TMPRSS15: variants seen among roughly 807,000 people sequenced by gnomAD.
TMPRSS15 encodes enteropeptidase.
Under a neutral mutation model 125.3 loss-of-function variants are expected in TMPRSS15, and 128 were observed. That is an observed-to-expected ratio of 1.02 (90% confidence interval 0.89 to 1.18). TMPRSS15 has a LOEUF of 1.18. Among genes scored for constraint, TMPRSS15 ranks in the 50% most tolerant of loss-of-function variants. The pLI is 0.00. For missense variants in TMPRSS15, 1,283 were observed against 1,212.7 expected (o/e 1.06, Z -0.86); for synonymous variants, 446 against 423.2 (o/e 1.05, Z -0.66).
chr21:18,315,117 A>G (rs759018686), intron 17 of TMPRSS15, 29 bp downstream of exon 17: 3 of 1,558,890 alleles, frequency 1.9e-6, no homozygotes, highest in Admixed American at 3.3e-5. Flanking sequence ...CTAAAGTCAT[A>G]AAAGTATTTT....
intron 21 of TMPRSS15, among the ~76,000 whole-genome samples, chr21:18,285,649 G>A (rs1376193533): frequency 1.3e-5 from 2 of 152,216 alleles, no homozygotes; most frequent in Non-Finnish European, 2.9e-5. Context: ...CAGAGAGTAC[G>A]AAAGTTTTCA....
chr21:18,398,505 C>G (rs187945484), intron 1 of TMPRSS15, among the ~76,000 whole-genome samples, 176 bp from the exon 2 acceptor site: 1 of 152,252 alleles, frequency 6.6e-6, no homozygotes, highest in African/African-American at 2.4e-5. Flanking sequence ...CACCAGCTGT[C>G]TGATTGTTTT....
chr21:18,354,636 G>A (rs1569028755), intron 8 of TMPRSS15, among the ~76,000 whole-genome samples: 1 of 151,574 alleles, frequency 6.6e-6, no homozygotes, highest in Non-Finnish European at 1.5e-5. Flanking sequence ...GTAAAGCTCA[G>A]ATATACCCAC....
At chr21:18,339,392 A>G (rs746807583) in intron 13 of TMPRSS15, among the ~76,000 whole-genome samples, 1 of 152,140 alleles carries the variant, frequency 6.6e-6, no homozygotes, top group Non-Finnish European at 1.5e-5. Context: ...TAACCTTTAG[A>G]TCCTTTTCAT....
chr21:18,387,053 T>C (rs2075950285), intron 3 of TMPRSS15, among the ~76,000 whole-genome samples: 2 of 152,172 alleles, frequency 1.3e-5, no homozygotes, highest in Non-Finnish European at 2.9e-5. Context: ...ATATCCTATA[T>C]CCACATAAAG....
intron 1 of TMPRSS15, among the ~76,000 whole-genome samples, chr21:18,442,998 A>T (rs1384868318): frequency 6.6e-6 from 1 of 152,166 alleles, no homozygotes; most frequent in Admixed American, 6.5e-5. Context: ...AATTAAGTTC[A>T]AATATACCTT....
chr21:18,366,266 A>G lies in TMPRSS15; in HGVS notation c.665-1018T>C, dbSNP rs1249526399. ...AGAATAAGGCCAGGAAAATGTTAGT[A>G]CTAGTGGCCTATACAGAATTCCATC... is the stretch of plus-strand genomic sequence containing the variant. On this transcript the variant is annotated intron_variant, in intron 6 of 24. Transcript: ENST00000284885. 2.0e-5 allele frequency among the ~76,000 whole-genome samples: 3 copies of G among 152,226 alleles called. No individual in the cohort carries two copies. The East Asian group carries it at 5.8e-4, about 29-fold the overall frequency.
At chr21:18,277,997 G>C (rs569818216) in intron 23 of TMPRSS15, among the ~76,000 whole-genome samples, 335 of 152,290 alleles carry the variant, frequency 2.2e-3, no homozygotes, top group African/African-American at 6.9e-3. Flanking sequence ...TGATTTCTGT[G>C]TTTGGAAAAC....
chr21:18,362,032 T>G (rs2075683816), intron 7 of TMPRSS15, among the ~76,000 whole-genome samples: 1 of 152,016 alleles, frequency 6.6e-6, no homozygotes, highest in African/African-American at 2.4e-5. Context: ...CCTTGAAGTA[T>G]GATAGGTAAA....
chr21:18,297,000 A>T (rs1346145058), intron 19 of TMPRSS15, among the ~76,000 whole-genome samples: 3 of 152,214 alleles, frequency 2.0e-5, no homozygotes, highest in Non-Finnish European at 4.4e-5. Flanking sequence ...AAAGCATCTT[A>T]AATCCTTGTT....
Position 18,331,109 on chromosome 21 carries a change from G to A in TMPRSS15, c.1654+975C>T, listed in dbSNP as rs546697267. The stretch of plus-strand genomic sequence containing the variant: ...AAAAAAAAGATGTCTTCAGTGTGAA[G>A]CAGAGATAACTCTGTTTCCCCAAAG... On this transcript the variant is annotated intron_variant, in intron 14 of 24. Transcript: ENST00000284885. 2.7e-5 allele frequency among the ~76,000 whole-genome samples: 4 copies of A among 150,608 alleles called. No homozygotes were observed. The East Asian group carries it at 7.8e-4, about 29-fold the overall frequency.
intron 18 of TMPRSS15, among the ~76,000 whole-genome samples, chr21:18,303,286 T>C (rs2074993090): frequency 6.6e-6 from 1 of 151,836 alleles, no homozygotes; most frequent in African/African-American, 2.4e-5. Context: ...AGTTCCTTTT[T>C]GGAAAACAGA....
At chr21:18,288,572 G>A (rs10222190) in intron 21 of TMPRSS15, among the ~76,000 whole-genome samples, 49,244 of 118,364 alleles carry the variant, frequency 0.42, 10,084 homozygotes, top group East Asian at 0.57. Context: ...GTGTTGTGTT[G>A]CTCTGTCTCC....
chr21:18,364,988 T>C (rs983107206), intron 7 of TMPRSS15, 152 bp downstream of exon 7: 7 of 667,198 alleles, frequency 1.0e-5, no homozygotes, highest in South Asian at 7.3e-5. Flanking sequence ...AAAATGATAG[T>C]ATAGTTTTTT....
chr21:18,424,402 A>G (rs1198493933), intron 1 of TMPRSS15, among the ~76,000 whole-genome samples: 1 of 152,198 alleles, frequency 6.6e-6, no homozygotes, highest in African/African-American at 2.4e-5. Flanking sequence ...TCCTTTTTGC[A>G]ACACTCTTGT....
intron 1 of TMPRSS15, among the ~76,000 whole-genome samples, chr21:18,457,745 TA>T: frequency 6.6e-6 from 1 of 152,144 alleles, no homozygotes; most frequent in East Asian, 1.9e-4. Flanking sequence ...CTTCTACTTC[TA>T]GGGGATATTT....
intron 18 of TMPRSS15, among the ~76,000 whole-genome samples, chr21:18,309,142 G>A (rs1403200033): frequency 1.3e-5 from 2 of 152,030 alleles, no homozygotes. Flanking sequence ...GGTATTTCTG[G>A]TCTAGATCCT....
chr21:18,392,363 C>T (rs943508878), intron 3 of TMPRSS15, among the ~76,000 whole-genome samples: 1 of 152,202 alleles, frequency 6.6e-6, no homozygotes. Flanking sequence ...CAAAATTCCA[C>T]AGATCTCTAG....
At chr21:18,344,305 G>A (rs1227288067) in intron 10 of TMPRSS15, among the ~76,000 whole-genome samples, 2 of 152,100 alleles carry the variant, frequency 1.3e-5, no homozygotes, top group Non-Finnish European at 2.9e-5. Flanking sequence ...TTGAAGTGGA[G>A]TACCACCAAG....
Sources: allele counts gnomAD v4.1 joint callset (sites outside exome capture counted in the v4.1 genomes callset), GRCh38; gene constraint gnomAD v4.1.1; transcripts MANE v1.5; gene names NCBI Gene and HGNC (gene_info 2026-07-23, HGNC 2026-07-21).